Variants in CSMD2 observed in about 807,000 individuals in gnomAD.
CSMD2 encodes the protein CUB and Sushi multiple domains 2.
CSMD2 carries 130 observed loss-of-function variants against 398.5 expected under a neutral mutation model. That is an observed-to-expected ratio of 0.33 (90% CI 0.28 to 0.38). The LOEUF (loss-of-function observed/expected upper bound fraction) is 0.38, where lower values mean the gene tolerates loss of function less well. Ranked by LOEUF, CSMD2 falls within the 10% of genes least tolerant of loss-of-function variation. The pLI is 1.00. For synonymous variants in CSMD2, 1,828 were observed against 1,908.5 expected, an observed-to-expected ratio of 0.96 and a Z score of 1.10; for missense variants, 3,829 against 4,764.9, an observed-to-expected ratio of 0.80 and a Z score of 5.78.
At chr1:34,135,421 C>A (rs1459577361) in intron 1 of CSMD2, among the ~76,000 whole-genome samples, 1 of 151,850 alleles carries the variant, frequency 6.6e-6, no homozygotes, top group East Asian at 1.9e-4. Flanking sequence ...CAGATCGAGA[C>A]CATCTTGACC....
At chr1:33,707,695 G>GCGCACACACACA (rs1172787777) in intron 22 of CSMD2, among the ~76,000 whole-genome samples, 11 of 92,092 alleles carry the variant, frequency 1.2e-4, no homozygotes, top group Non-Finnish European at 2.1e-4. Context: ...GCGCGCGCGC[G>GCGCACACACACA]CACACACACA....
chr1:33,611,543 T>C (rs1641006392), intron 40 of CSMD2, among the ~76,000 whole-genome samples: 1 of 152,234 alleles, frequency 6.6e-6, no homozygotes, highest in Non-Finnish European at 1.5e-5. Flanking sequence ...TCAACACTTG[T>C]TTAAATTTAT....
At chr1:33,852,207 G>A (rs55652505) in intron 5 of CSMD2, among the ~76,000 whole-genome samples, 151 of 152,220 alleles carry the variant, frequency 9.9e-4, no homozygotes, top group Middle Eastern at 3.4e-3. Flanking sequence ...TCCATTTCAT[G>A]TCCTCATCGT....
intron 5 of CSMD2, chr1:33,861,183 T>C (rs148252650): frequency 1.6e-4 from 25 of 152,346 alleles, no homozygotes; most frequent in African/African-American, 5.5e-4. Flanking sequence ...AGTCATGATG[T>C]AAAATGTATT....
intron 1 of CSMD2, among the ~76,000 whole-genome samples, chr1:34,108,046 T>C (rs1450518403): frequency 6.6e-6 from 1 of 152,230 alleles, no homozygotes; most frequent in Non-Finnish European, 1.5e-5. Context: ...ACTCCATTAA[T>C]ATTTGTCAAG....
intron 29 of CSMD2, among the ~76,000 whole-genome samples, chr1:33,640,191 T>C (rs1462557219): frequency 1.3e-5 from 2 of 152,148 alleles, no homozygotes; most frequent in Non-Finnish European, 2.9e-5. Flanking sequence ...CTTCCAAACC[T>C]TATAACTGCA....
chr1:33,804,597 T>C (rs1656007792), intron 10 of CSMD2: 2 of 660,738 alleles, frequency 3.0e-6, no homozygotes, highest in African/African-American at 1.8e-5. Context: ...ACGTGCACAC[T>C]CCTCAAGGGC....
intron 1 of CSMD2, among the ~76,000 whole-genome samples, chr1:34,133,837 G>A (rs1397445253): frequency 2.0e-5 from 3 of 151,860 alleles, no homozygotes; most frequent in Admixed American, 6.6e-5. Context: ...TTGGGAGGCC[G>A]AGGTGGGCGG....
chr1:33,929,422 C>A (rs1484534636), intron 4 of CSMD2, among the ~76,000 whole-genome samples: 3 of 143,852 alleles, frequency 2.1e-5, no homozygotes. Flanking sequence ...AACTCAGAAC[C>A]AAGCCTATAC....
chr1:34,120,462 G>A (rs1262696683), intron 1 of CSMD2, among the ~76,000 whole-genome samples: 4 of 152,256 alleles, frequency 2.6e-5, no homozygotes, highest in Admixed American at 2.6e-4. Flanking sequence ...TTACTACAGT[G>A]AAGAAACGAG....
At chr1:34,158,468 T>C (rs1641009501) in intron 1 of CSMD2, among the ~76,000 whole-genome samples, 1 of 152,158 alleles carries the variant, frequency 6.6e-6, no homozygotes, top group African/African-American at 2.4e-5. Context: ...TCTCCCTCCC[T>C]ACCCTCCTGG....
At chr1:34,006,418 C>T (rs1249376472) in intron 3 of CSMD2, among the ~76,000 whole-genome samples, 1 of 152,126 alleles carries the variant, frequency 6.6e-6, no homozygotes, top group Non-Finnish European at 1.5e-5. Context: ...CCCATCCCAC[C>T]CCAGATCTCA....
Position 33,636,572 on chromosome 1 carries a change from A to G in CSMD2, c.4775-18T>C. 1.9e-6 allele frequency: 3 copies of G among 1,610,524 alleles called. No homozygotes were observed. Among genetic ancestry groups the G allele is most frequent in the Admixed American group, 3.3e-5 (2 of 59,952 alleles). On this transcript the variant is annotated intron_variant, in intron 29 of 70. Transcript: ENST00000373381. This position sits in a 1 kb window ranked among gnomAD's most constrained non-coding sequence, Gnocchi z 4.8. ...CGGGTTTTCTGGGAAAAAGAAATAC[A>G]AACACGTGCACACACACAGAGGGCT...
At chr1:34,077,430 C>T (rs1204104694) in intron 2 of CSMD2, among the ~76,000 whole-genome samples, 1 of 108,960 alleles carries the variant, frequency 9.2e-6, no homozygotes, top group Admixed American at 1.3e-4. Flanking sequence ...GCAATCCGGC[C>T]TGGGCTAAAG....
At chr1:33,865,032 C>T (rs1639916784) in intron 5 of CSMD2, among the ~76,000 whole-genome samples, 1 of 142,392 alleles carries the variant, frequency 7.0e-6, no homozygotes, top group Non-Finnish European at 1.5e-5. Flanking sequence ...GAAGTGTCAG[C>T]AGTAAACAAA....
intron 44 of CSMD2, among the ~76,000 whole-genome samples, chr1:33,597,080 T>C (rs1384574523): frequency 6.6e-6 from 1 of 152,132 alleles, no homozygotes; most frequent in Non-Finnish European, 1.5e-5. Context: ...GGCATTTTTC[T>C]CTGTAATTCA....
chr1:33,919,296 T>C (rs1356122894), intron 4 of CSMD2, among the ~76,000 whole-genome samples: 3 of 152,118 alleles, frequency 2.0e-5, no homozygotes, highest in African/African-American at 7.2e-5. Flanking sequence ...GGGAGCTCCT[T>C]GTGGTATGGA....
Position 33,772,572 on chromosome 1 carries a change from C to T in CSMD2, c.1843G>A (p.Val615Met), listed in dbSNP as rs200557124. ...GGCCTCCTCCCTGCTCACTTACACA[C>T]GCAGCCTGGCTTCTTAGCCGACCAT... ...NQWSAKKPGC[V>M]FSCFFNFTSP... The change falls in exon 13 of 71, where the codon GTG becomes ATG. Residue 615 changes from valine to methionine, a missense_variant. Val to Met is a conservative substitution (Grantham distance 21). Around this residue, in one of 5 missense-constraint regions of CSMD2, gnomAD observed 2,001 missense variants for 2,567.1 expected, o/e 0.78. Transcript: ENST00000373381. 30 of 1,612,538 alleles carry T rather than the reference C, an allele frequency of 1.9e-5. No homozygotes were observed. The East Asian group carries it at 2.2e-4, about 12-fold the overall frequency.
At position 33,772,690 on chromosome 1, in the gene CSMD2, G is replaced by A. The variant is rs1651452161; in HGVS notation, c.1725C>T (p.Ser575=). 8.1e-6 allele frequency: 13 copies of A among 1,613,996 alleles called. No individual in the cohort carries two copies. Among genetic ancestry groups the A allele is most frequent in the African/African-American group, 2.7e-5 (2 of 74,914 alleles). ...GIPAYGRREG[S]RFHHGDTLKF... is the part of the protein sequence containing the mutation. Reference sequence around the variant, plus strand: ...TGAGTGTGTCACCGTGGTGAAACCGGGAGCCTTCCCTCCGGCCATATGCAG... The same window carrying A: ...TGAGTGTGTCACCGTGGTGAAACCGAGAGCCTTCCCTCCGGCCATATGCAG... Residue 575 remains serine, a synonymous_variant, in exon 13 of 71, where the codon TCC becomes TCT. Coordinates refer to ENST00000373381, the MANE Select transcript of CSMD2 (RefSeq NM_001281956.2).
Sources: allele counts gnomAD v4.1 joint callset (sites outside exome capture counted in the v4.1 genomes callset), GRCh38; gene constraint gnomAD v4.1.1; regional missense constraint gnomAD v4.1.1; non-coding constraint Gnocchi (gnomAD v3.1); transcripts MANE v1.5; gene names NCBI Gene and HGNC (gene_info 2026-07-23, HGNC 2026-07-21).